The following EEF1AKMT1 variants were observed in gnomAD, a reference collection of about 807,000 sequenced individuals.
The protein encoded by EEF1AKMT1 is N-6 adenine-specific DNA methyltransferase 2 (putative).
EEF1AKMT1 carries 18 observed loss-of-function variants against 21.0 expected under a neutral mutation model. The ratio of observed to expected loss-of-function variants is 0.86; its 90% CI spans 0.59 to 1.27. The LOEUF (loss-of-function observed/expected upper bound fraction) is 1.27. EEF1AKMT1 is among the 50% of genes most tolerant of loss of function. The pLI is 0.00. For synonymous variants in EEF1AKMT1, 109 were observed against 94.8 expected, an observed-to-expected ratio of 1.15 and a Z score of -0.87; for missense variants, 246 against 258.6, an observed-to-expected ratio of 0.95 and a Z score of 0.33.
At chr13:20,739,283 C>T (rs976604820) in intron 2 of EEF1AKMT1, among the ~76,000 whole-genome samples, 1 of 152,178 alleles carries the variant, frequency 6.6e-6, no homozygotes, top group South Asian at 2.1e-4. Flanking sequence ...CAGTGAGCAG[C>T]AGTAACATTT....
chr13:20,773,676 G>T (rs1196405621), intron 1 of EEF1AKMT1, among the ~76,000 whole-genome samples: 1 of 152,238 alleles, frequency 6.6e-6, no homozygotes, highest in Non-Finnish European at 1.5e-5. Flanking sequence ...GGCACAGGAC[G>T]CGGCGCCTTC....
chr13:20,759,449 G>A (rs1301789565), intron 1 of EEF1AKMT1, among the ~76,000 whole-genome samples: 5 of 151,938 alleles, frequency 3.3e-5, no homozygotes, highest in Non-Finnish European at 7.4e-5. Context: ...GCATGGTGGC[G>A]GGCATCTGTA....
intron 1 of EEF1AKMT1, among the ~76,000 whole-genome samples, chr13:20,758,589 A>ATC (rs2058983022): frequency 6.6e-6 from 1 of 152,212 alleles, no homozygotes; most frequent in Non-Finnish European, 1.5e-5. Flanking sequence ...ATAAGAGTAG[A>ATC]TCATACTGCC....
chr13:20,769,572 C>T (rs1388012602), intron 1 of EEF1AKMT1, among the ~76,000 whole-genome samples: 1 of 152,158 alleles, frequency 6.6e-6, no homozygotes, highest in African/African-American at 2.4e-5. Flanking sequence ...AAGGCATGGG[C>T]TCAGAAAATA....
intron 1 of EEF1AKMT1, among the ~76,000 whole-genome samples, chr13:20,758,237 G>T (rs1305982175): frequency 6.6e-6 from 1 of 152,010 alleles, no homozygotes. Context: ...ATAATAATAA[G>T]AACCTTGGTC....
chr13:20,748,734 T>G (rs1390762818), intron 2 of EEF1AKMT1, among the ~76,000 whole-genome samples: 2 of 133,146 alleles, frequency 1.5e-5, no homozygotes, highest in South Asian at 5.2e-4. Flanking sequence ...TGGTTTTTTT[T>G]TTTTTTTTTT....
At chr13:20,759,042 A>C (rs1377660550) in intron 1 of EEF1AKMT1, among the ~76,000 whole-genome samples, 1 of 152,222 alleles carries the variant, frequency 6.6e-6, no homozygotes, top group East Asian at 1.9e-4. Context: ...AAAGACTGAA[A>C]TGTCACACCT....
chr13:20,751,721 G>A (rs1266496471), intron 2 of EEF1AKMT1, among the ~76,000 whole-genome samples: 2 of 151,676 alleles, frequency 1.3e-5, no homozygotes, highest in African/African-American at 4.8e-5. Context: ...GGATTGTACT[G>A]GATATATACA....
chr13:20,729,661 T>C (rs2058780553), intron 4 of EEF1AKMT1, among the ~76,000 whole-genome samples: 1 of 151,994 alleles, frequency 6.6e-6, no homozygotes, highest in Non-Finnish European at 1.5e-5. Context: ...TGCTCCCAAT[T>C]TCTCCCCGCC....
intron 1 of EEF1AKMT1, among the ~76,000 whole-genome samples, chr13:20,760,556 G>T (rs1595028203): frequency 6.6e-6 from 1 of 152,072 alleles, no homozygotes; most frequent in South Asian, 2.1e-4. Context: ...CGGGAAGAGT[G>T]GGGGAAGGAT....
chr13:20,738,410 A>G (rs910438662), intron 2 of EEF1AKMT1, among the ~76,000 whole-genome samples: 1 of 152,210 alleles, frequency 6.6e-6, no homozygotes, highest in East Asian at 1.9e-4. Flanking sequence ...CATAGTTATA[A>G]ATTAAGCAGG....
intron 2 of EEF1AKMT1, among the ~76,000 whole-genome samples, chr13:20,742,183 T>C (rs2058875379): frequency 6.6e-6 from 1 of 152,236 alleles, no homozygotes; most frequent in South Asian, 2.1e-4. Context: ...TTAAAATGAC[T>C]ACTAACATTT....
intron 2 of EEF1AKMT1, among the ~76,000 whole-genome samples, chr13:20,749,430 A>G (rs1422824879): frequency 2.6e-5 from 4 of 152,186 alleles, no homozygotes; most frequent in African/African-American, 7.2e-5. Context: ...CAGATTTCCT[A>G]TTCCTTGGAG....
At chr13:20,732,160 C>A in intron 3 of EEF1AKMT1, 39 bp from the exon 4 acceptor site, 1 of 1,566,590 alleles carries the variant, frequency 6.4e-7, no homozygotes, top group East Asian at 2.2e-5. Flanking sequence ...ACATCCTTAA[C>A]AGAGAGATTA....
intron 3 of EEF1AKMT1, 61 bp from the exon 4 acceptor site, chr13:20,732,182 A>C (rs1379603553): frequency 8.6e-6 from 13 of 1,517,588 alleles, no homozygotes; most frequent in African/African-American, 1.4e-5. Flanking sequence ...GGTGTTAACA[A>C]CTTCTTCACT....
At chr13:20,737,389 A>C (rs566256047) in intron 3 of EEF1AKMT1, among the ~76,000 whole-genome samples, 50 of 152,346 alleles carry the variant, frequency 3.3e-4, no homozygotes, top group African/African-American at 1.2e-3. Flanking sequence ...ACATACATAC[A>C]TATATACATA....
At chr13:20,739,072 T>G (rs1448763002) in intron 2 of EEF1AKMT1, among the ~76,000 whole-genome samples, 1 of 152,128 alleles carries the variant, frequency 6.6e-6, no homozygotes. Flanking sequence ...GGGGTCGTGG[T>G]CTCGCTGGCT....
intron 2 of EEF1AKMT1, among the ~76,000 whole-genome samples, chr13:20,739,139 T>C (rs1437557973): frequency 1.3e-5 from 2 of 152,186 alleles, no homozygotes; most frequent in East Asian, 3.9e-4. Flanking sequence ...AGATGGCACA[T>C]CTGGAGTTGG....
At chr13:20,738,713 G>C (rs1431140407) in intron 2 of EEF1AKMT1, among the ~76,000 whole-genome samples, 3 of 152,188 alleles carry the variant, frequency 2.0e-5, no homozygotes, top group Non-Finnish European at 4.4e-5. Flanking sequence ...TACACTGAAC[G>C]AAAGAAATCA....
Sources: gnomAD v4.1 joint callset for allele counts (sites outside exome capture counted in the v4.1 genomes callset) on GRCh38, gnomAD v4.1.1 for gene constraint, MANE v1.5 for transcripts, NCBI Gene and HGNC (gene_info 2026-07-23, HGNC 2026-07-21) for gene names.